Variants in TOPAZ1 observed in about 807,000 individuals in gnomAD.
TOPAZ1 encodes the protein protein TOPAZ1.
Under a neutral mutation model 172.2 loss-of-function variants are expected in TOPAZ1, and 66 were observed. The observed-to-expected ratio is 0.38, with a 90% CI of 0.31 to 0.47. The LOEUF (loss-of-function observed/expected upper bound fraction) is 0.47, where lower values mean the gene tolerates loss of function less well. Ranked by LOEUF, TOPAZ1 falls within the 20% of genes least tolerant of loss-of-function variation. The pLI is 0.99. For missense variants in TOPAZ1, 1,822 were observed against 1,972.4 expected, an observed-to-expected ratio of 0.92 and a Z score of 1.44; for synonymous variants, 681 against 683.9, an observed-to-expected ratio of 1.00 and a Z score of 0.07.
In TOPAZ1 at chr3:44,308,640, T is replaced by TTTTTAATAA. The variant is rs1322284685; in HGVS notation, c.4141-1185_4141-1184insTTTTAATAA. On this transcript the variant is annotated intron_variant, in intron 15 of 19. Coordinates refer to ENST00000309765, the MANE Select transcript of TOPAZ1 (RefSeq NM_001145030.2). ...ATCTCAAATTTAATAAAAGAGAAAC[T>TTTTTAATAA]CAGACTGATTTTGCTGAAATTTTAG... 9.6e-4 allele frequency among the ~76,000 whole-genome samples: 146 copies of TTTTTAATAA among 152,280 alleles called. 1 individual carries two copies. The highest frequency in any genetic ancestry group is 3.4e-3 in the African/African-American group (141 of 41,574).
rs1293404707 is a variant in TOPAZ1 at position 44,309,996 on chromosome 3, T to C, written c.4306+6T>C. On this transcript the variant is annotated splice_donor_region_variant and intron_variant, in intron 16 of 19. Coordinates refer to ENST00000309765, the MANE Select transcript of TOPAZ1 (RefSeq NM_001145030.2). ...TGCCATTTGGGTAATGAGGGGTAAGTCCTGATATATGCAAGCATAAAATAA... is the reference window on the plus strand; with the variant it reads ...TGCCATTTGGGTAATGAGGGGTAAGCCCTGATATATGCAAGCATAAAATAA... The C allele has an allele frequency of 1.3e-6, 2 of 1,537,760 alleles. No individual in the cohort carries two copies. Among genetic ancestry groups the C allele is most frequent in the East Asian group, 2.4e-5 (1 of 40,840 alleles).
At chr3:44,285,299 A>G (rs1397226260) in intron 9 of TOPAZ1, among the ~76,000 whole-genome samples, 3 of 151,918 alleles carry the variant, frequency 2.0e-5, no homozygotes, top group African/African-American at 7.3e-5. Context: ...CCATCTCTAT[A>G]AAAATAAATT....
intron 4 of TOPAZ1, among the ~76,000 whole-genome samples, chr3:44,260,311 A>G (rs1364014293): frequency 6.6e-6 from 1 of 152,176 alleles, no homozygotes; most frequent in Admixed American, 6.6e-5. Context: ...TGAAATAAAC[A>G]TATCTATTCT....
intron 17 of TOPAZ1, among the ~76,000 whole-genome samples, 182 bp from the exon 18 acceptor site, chr3:44,322,910 C>G (rs1284753711): frequency 1.3e-5 from 2 of 151,716 alleles, no homozygotes; most frequent in Non-Finnish European, 2.9e-5. Flanking sequence ...AGAGTGAGAC[C>G]CTGTCTCAAA....
chr3:44,301,988 G>A (rs1027299670), intron 12 of TOPAZ1, among the ~76,000 whole-genome samples: 4 of 152,056 alleles, frequency 2.6e-5, no homozygotes, highest in South Asian at 2.1e-4. Context: ...TTTACTATTT[G>A]TATGACTTCA....
chr3:44,243,164 A>T lies in TOPAZ1; in HGVS notation c.658A>T (p.Asn220Tyr). The T allele has an allele frequency of 6.5e-7, 1 of 1,549,820 alleles. No individual in the cohort carries two copies. Among genetic ancestry groups the T allele is most frequent in the Non-Finnish European group, 8.7e-7 (1 of 1,146,204 alleles). ...SCNILSPEVE[N>Y]NSVLKLRDCN... ...TAATATCTTGTCACCTGAAGTAGAA[A>T]ATAATTCCGTTTTAAAATTACGTGA... Residue 220 changes from asparagine to tyrosine, a missense_variant, in exon 2 of 20, where the codon AAT (asparagine) becomes TAT (tyrosine). Transcript: ENST00000309765.
chr3:44,270,786 T>C lies in TOPAZ1; in HGVS notation c.3348T>C (p.His1116=), dbSNP rs1274060919. 1.3e-6 allele frequency: 2 copies of C among 1,549,422 alleles called. No individual in the cohort carries two copies. The highest frequency in any genetic ancestry group is 1.7e-6 in the Non-Finnish European group (2 of 1,145,876). ...AGCGACCACTGTGCAAGTTTGCTCATGTGCCTGAACAAGGGGATGAAAAGG... is the reference window on the plus strand; with the variant it reads ...AGCGACCACTGTGCAAGTTTGCTCACGTGCCTGAACAAGGGGATGAAAAGG... The part of the protein sequence containing the change: ...GCERPLCKFA[H]VPEQGDEKVC... Residue 1116 remains histidine, a synonymous_variant, in exon 8 of 20, where the codon CAT becomes CAC. Coordinates refer to ENST00000309765, the MANE Select transcript of TOPAZ1 (RefSeq NM_001145030.2).
chr3:44,330,497 C>T (rs1481994584), intron 19 of TOPAZ1, among the ~76,000 whole-genome samples: 1 of 152,210 alleles, frequency 6.6e-6, no homozygotes, highest in Non-Finnish European at 1.5e-5. Flanking sequence ...CTTTTTAAGA[C>T]TGCACATAGT....
At chr3:44,266,521 G>T (rs529155067) in intron 5 of TOPAZ1, among the ~76,000 whole-genome samples, 2 of 152,268 alleles carry the variant, frequency 1.3e-5, no homozygotes, top group South Asian at 4.1e-4. Flanking sequence ...AGAGGACATA[G>T]TAGGGTCATA....
rs112874934 is a variant in TOPAZ1 at position 44,313,694 on chromosome 3, A to C, written c.4306+3704A>C. Reference sequence around the variant, plus strand: ...TTTCCTTTAGATATAGCTTCTATACAAACATGTCCTTTTAGGTATCACAGG... The same window carrying C: ...TTTCCTTTAGATATAGCTTCTATACCAACATGTCCTTTTAGGTATCACAGG... On this transcript the variant is annotated intron_variant, in intron 16 of 19. Transcript: ENST00000309765. Among the ~76,000 whole-genome samples, 601 of 152,146 alleles carry C rather than the reference A, an allele frequency of 4.0e-3. 2 individuals are homozygous for C. Among genetic ancestry groups the C allele is most frequent in the Middle Eastern group, 0.017 (5 of 288 alleles).
At chr3:44,314,463 C>T (rs935510572) in intron 16 of TOPAZ1, among the ~76,000 whole-genome samples, 4 of 152,202 alleles carry the variant, frequency 2.6e-5, no homozygotes, top group Admixed American at 2.0e-4. Flanking sequence ...AATATGAGGA[C>T]GCTGAGGTTC....
intron 18 of TOPAZ1, among the ~76,000 whole-genome samples, chr3:44,327,013 C>T (rs899162772): frequency 6.6e-6 from 1 of 152,084 alleles, no homozygotes; most frequent in South Asian, 2.1e-4. Flanking sequence ...TGGCAGTGAC[C>T]TAGGGAGGTG....
intron 18 of TOPAZ1, 149 bp from the exon 19 acceptor site, chr3:44,328,101 A>G: frequency 1.9e-6 from 1 of 521,546 alleles, no homozygotes. Context: ...TGCCAAATAT[A>G]CTAGGATAAG....
At chr3:44,246,735 C>G (rs1699571512) in intron 2 of TOPAZ1, among the ~76,000 whole-genome samples, 1 of 152,164 alleles carries the variant, frequency 6.6e-6, no homozygotes, top group African/African-American at 2.4e-5. Flanking sequence ...GTTTTTGAAT[C>G]TTCTTGTTAC....
At position 44,242,220 on chromosome 3, in the gene TOPAZ1, C is replaced by T. The variant is rs370579368; in HGVS notation, c.167C>T (p.Ala56Val). ...NKQKRRMVAR[A>V]TPGRGEVESD... ...CAAAAGAGGAGAATGGTGGCCCGGGCCACCCCTGGGAGAGGCGAGGTGGAA... is the reference window on the plus strand; with the variant it reads ...CAAAAGAGGAGAATGGTGGCCCGGGTCACCCCTGGGAGAGGCGAGGTGGAA... Residue 56 changes from alanine to valine, a missense_variant, in exon 1 of 20, where the codon GCC becomes GTC. Around this residue, in one of 2 missense-constraint regions of TOPAZ1, gnomAD observed 1,489 missense variants for 1,490.8 expected, o/e 1.00. Coordinates refer to ENST00000309765, the MANE Select transcript of TOPAZ1 (RefSeq NM_001145030.2). The T allele has an allele frequency of 1.3e-6, 2 of 1,545,406 alleles. No homozygotes were observed. Among genetic ancestry groups the T allele is most frequent in the Non-Finnish European group, 1.7e-6 (2 of 1,145,242 alleles).
At chr3:44,266,275 A>G (rs1288995230) in intron 5 of TOPAZ1, among the ~76,000 whole-genome samples, 1 of 152,118 alleles carries the variant, frequency 6.6e-6, no homozygotes, top group African/African-American at 2.4e-5. Flanking sequence ...AACTTTTTCC[A>G]TTTCCGCAGT....
chr3:44,279,886 G>A (rs1268947552), intron 8 of TOPAZ1, among the ~76,000 whole-genome samples: 2 of 151,958 alleles, frequency 1.3e-5, no homozygotes, highest in African/African-American at 4.8e-5. Context: ...TATATCCTTT[G>A]TTCCTTTCTT....
chr3:44,242,316 C>T lies in TOPAZ1; in HGVS notation c.263C>T (p.Pro88Leu). The T allele has an allele frequency of 6.4e-7, 1 of 1,552,006 alleles. No individual in the cohort carries two copies. Among genetic ancestry groups the T allele is most frequent in the Non-Finnish European group, 8.7e-7 (1 of 1,147,052 alleles). Residue 88 changes from proline (P) to leucine (L), a missense_variant, in exon 1 of 20, where the codon CCG (proline) becomes CTG (leucine). Transcript: ENST00000309765. ...CGTCAGGTGGAGGGGCGCAGGGGCC[C>T]GGTGAGCCCGTCAGACTCGTCAGAC... is the stretch of plus-strand genomic sequence containing the variant. The part of the protein sequence containing the change: ...ARRQVEGRRG[P>L]VSPSDSSDPR...
intron 19 of TOPAZ1, among the ~76,000 whole-genome samples, chr3:44,329,602 A>G (rs1700641668): frequency 1.3e-5 from 2 of 152,342 alleles, no homozygotes; most frequent in East Asian, 1.9e-4. Flanking sequence ...CCACAGTTTC[A>G]TAGATGGTAG....
Sources: allele counts gnomAD v4.1 joint callset (sites outside exome capture counted in the v4.1 genomes callset), GRCh38; gene constraint gnomAD v4.1.1; regional missense constraint gnomAD v4.1.1; transcripts MANE v1.5; gene names NCBI Gene and HGNC (gene_info 2026-07-23, HGNC 2026-07-21).